The following TNR variants were observed in gnomAD, a reference collection of about 807,000 sequenced individuals.
TNR encodes the protein tenascin R.
In TNR, 45 loss-of-function variants were observed where a neutral mutation model predicts 150.4. The observed-to-expected ratio is 0.30, with a 90% CI of 0.24 to 0.38. TNR has a LOEUF of 0.38. TNR is among the 10% of genes least tolerant of loss of function. TNR has a pLI of 1.00. For synonymous variants in TNR, 687 were observed against 678.4 expected (o/e 1.01, Z -0.20); for missense variants, 1,544 against 1,759.1 (o/e 0.88, Z 2.19).
chr1:175,671,194 G>A (rs1487394505), intron 1 of TNR, among the ~76,000 whole-genome samples: 3 of 152,298 alleles, frequency 2.0e-5, no homozygotes, highest in East Asian at 1.9e-4. Flanking sequence ...GGGGAAAGAC[G>A]ATGGGCCAGC....
In TNR at chr1:175,712,460, A is replaced by G. The variant is rs548446578; in HGVS notation, c.-165+30766T>C. Among the ~76,000 whole-genome samples, 8 of 152,286 alleles carry G rather than the reference A, an allele frequency of 5.3e-5. No homozygotes were observed. The South Asian group carries it at 1.7e-3, about 32-fold the overall frequency. On this transcript the variant is annotated intron_variant, in intron 1 of 22. Coordinates refer to ENST00000367674, the MANE Select transcript of TNR (RefSeq NM_003285.3). ...TAAGACGAACTCAGGCTGTGGCTGC[A>G]GGAATGGGAAGGAAGGAATAGGATC...
At chr1:175,632,094 T>C (rs1034034365) in intron 1 of TNR, among the ~76,000 whole-genome samples, 2 of 152,152 alleles carry the variant, frequency 1.3e-5, no homozygotes, top group Non-Finnish European at 2.9e-5. Flanking sequence ...CTGTGGAAGA[T>C]CTCAGCCTGG....
chr1:175,512,712 G>C (rs554636855), intron 2 of TNR, among the ~76,000 whole-genome samples: 1 of 152,328 alleles, frequency 6.6e-6, no homozygotes, highest in East Asian at 1.9e-4. Context: ...ACAGAAGACA[G>C]TGTAGGTCAT....
At chr1:175,442,776 C>T (rs860907) in intron 2 of TNR, among the ~76,000 whole-genome samples, 73,762 of 151,402 alleles carry the variant, frequency 0.49, 20,051 homozygotes, top group African/African-American at 0.72. Context: ...TCAAAGCAAA[C>T]GTCAACATAT....
intron 1 of TNR, among the ~76,000 whole-genome samples, chr1:175,667,056 C>T (rs1177313951): frequency 6.6e-6 from 1 of 152,172 alleles, no homozygotes. Context: ...CCCAGCCACT[C>T]CCCTCTTTTA....
intron 12 of TNR, among the ~76,000 whole-genome samples, chr1:175,364,327 C>CTT (rs71129505): frequency 0.034 from 4,815 of 142,504 alleles, 93 homozygotes; most frequent in Non-Finnish European, 0.047. Context: ...ATGCTATGGG[C>CTT]TTTTTTTTTT....
chr1:175,414,997 C>G (rs1487781902), intron 2 of TNR, among the ~76,000 whole-genome samples: 1 of 150,548 alleles, frequency 6.6e-6, no homozygotes, highest in Non-Finnish European at 1.5e-5. Flanking sequence ...GGTTGTTGGG[C>G]AGGGAAGGAG....
chr1:175,400,814 A>C (rs905544269), intron 4 of TNR, among the ~76,000 whole-genome samples: 3 of 152,264 alleles, frequency 2.0e-5, no homozygotes, highest in Non-Finnish European at 4.4e-5. Flanking sequence ...CAGTGGATAA[A>C]TAGCCCCTTC....
chr1:175,578,672 G>A (rs1271888211), intron 1 of TNR, among the ~76,000 whole-genome samples: 1 of 152,226 alleles, frequency 6.6e-6, no homozygotes, highest in Non-Finnish European at 1.5e-5. Flanking sequence ...CAGTGATGTG[G>A]CTTAATGAGG....
intron 1 of TNR, among the ~76,000 whole-genome samples, chr1:175,608,446 A>G (rs767662395): frequency 5.3e-5 from 8 of 152,254 alleles, no homozygotes; most frequent in Non-Finnish European, 1.2e-4. Context: ...AGAAGAAAAT[A>G]TAAGAGAATA....
intron 2 of TNR, among the ~76,000 whole-genome samples, chr1:175,488,727 G>A (rs1328469735): frequency 1.3e-5 from 2 of 152,192 alleles, no homozygotes; most frequent in African/African-American, 4.8e-5. Context: ...GGAAAAGCAA[G>A]AAGATGAAAC....
At chr1:175,545,184 A>G (rs1334890976) in intron 1 of TNR, among the ~76,000 whole-genome samples, 1 of 152,230 alleles carries the variant, frequency 6.6e-6, no homozygotes, top group Non-Finnish European at 1.5e-5. Flanking sequence ...TCAGAAAAGA[A>G]AACATTTTGA....
intron 1 of TNR, among the ~76,000 whole-genome samples, chr1:175,589,494 C>T (rs991517930): frequency 2.6e-5 from 4 of 152,090 alleles, no homozygotes; most frequent in Non-Finnish European, 5.9e-5. Flanking sequence ...TCATAGAGCA[C>T]CTATCACAGT....
chr1:175,334,091 G>T (rs1458475651), intron 20 of TNR, among the ~76,000 whole-genome samples: 1 of 152,162 alleles, frequency 6.6e-6, no homozygotes, highest in African/African-American at 2.4e-5. Context: ...TGGAGTCATT[G>T]AAAAGTTTTA....
At position 175,629,884 on chromosome 1, in the gene TNR, T is replaced by C. The variant is rs1664269204; in HGVS notation, c.-164-101515A>G. Among the ~76,000 whole-genome samples, 2 of 152,198 alleles carry C rather than the reference T, an allele frequency of 1.3e-5. 1 individual carries two copies. Among genetic ancestry groups the C allele is most frequent in the South Asian group, 4.1e-4 (2 of 4,830 alleles). On this transcript the variant is annotated intron_variant, in intron 1 of 22. Transcript: ENST00000367674. ...TAAATGAATGGAGATATGGACATAA[T>C]ACCTATAGAAAATAAAAGCGGTGAT...
intron 18 of TNR, among the ~76,000 whole-genome samples, chr1:175,349,246 C>G (rs1650942014): frequency 6.6e-6 from 1 of 152,140 alleles, no homozygotes; most frequent in African/African-American, 2.4e-5. Context: ...GGCATATATT[C>G]CAGAAGGCAT....
intron 1 of TNR, among the ~76,000 whole-genome samples, chr1:175,659,809 G>A (rs894476645): frequency 1.3e-5 from 2 of 151,858 alleles, no homozygotes; most frequent in African/African-American, 4.8e-5. Flanking sequence ...AGGCCACTGG[G>A]ATAACTCCAG....
At chr1:175,571,598 C>T (rs971913816) in intron 1 of TNR, among the ~76,000 whole-genome samples, 5 of 152,226 alleles carry the variant, frequency 3.3e-5, no homozygotes, top group African/African-American at 9.6e-5. Context: ...ACTTCCTCTC[C>T]TATCCGCCCT....
chr1:175,557,277 C>T lies in TNR; in HGVS notation c.-164-28908G>A, dbSNP rs949423017. On this transcript the variant is annotated intron_variant, in intron 1 of 22. Transcript: ENST00000367674. ...CCAGAGGACCCAACAAAGCCATGCA[C>T]AGACTCCTGACCCACGGAAGTGGTA... Among the ~76,000 whole-genome samples the T allele has an allele frequency of 3.9e-5, 6 of 152,216 alleles. No individual in the cohort carries two copies. In the South Asian group the frequency reaches 8.3e-4, roughly 21 times the overall value.
Sources: gnomAD v4.1 joint callset for allele counts (sites outside exome capture counted in the v4.1 genomes callset) on GRCh38, gnomAD v4.1.1 for gene constraint, MANE v1.5 for transcripts, NCBI Gene and HGNC (gene_info 2026-07-23, HGNC 2026-07-21) for gene names.